The following FBN3 variants were observed in gnomAD, a reference collection of about 807,000 sequenced individuals.
FBN3 encodes the protein fibrillin 3.
FBN3 carries 234 observed loss-of-function variants against 330.1 expected under a neutral mutation model. The ratio of observed to expected loss-of-function variants is 0.71; its 90% CI spans 0.64 to 0.79. The LOEUF is 0.79. FBN3 is among the 30% of genes least tolerant of loss of function. The probability of loss-of-function intolerance (pLI) is 0.00; values close to 1 mark genes in which losing one functional copy is unlikely to be tolerated. For missense variants in FBN3, 3,606 were observed against 3,886.9 expected (o/e 0.93, Z 1.92); for synonymous variants, 1,458 against 1,517.3 (o/e 0.96, Z 0.91).
At chr19:8,098,289 G>T (rs1029740469) in intron 41 of FBN3, among the ~76,000 whole-genome samples, 11 of 151,822 alleles carry the variant, frequency 7.2e-5, no homozygotes, top group African/African-American at 2.7e-4. Flanking sequence ...GTGTCCATCA[G>T]TAGGGGACTG....
At position 8,106,164 on chromosome 19, in the gene FBN3, A is replaced by C. The variant is rs372164197; in HGVS notation, c.4757T>G (p.Phe1586Cys). Residue 1586 changes from phenylalanine to cysteine, a missense_variant, in exon 38 of 64, where the codon TTC becomes TGC. By Grantham distance (205) the Phe-to-Cys change is radical. Coordinates refer to ENST00000600128, the MANE Select transcript of FBN3 (RefSeq NM_032447.5). Reference sequence around the variant, plus strand: ...GTAGCCAGGTGGGCACTCACACTGGAAACTGCCAAACGTGTTGACGCAGTC... The same window carrying C: ...GTAGCCAGGTGGGCACTCACACTGGCAACTGCCAAACGTGTTGACGCAGTC... The part of the protein sequence containing the change: ...GGDCVNTFGS[F>C]QCECPPGYHL... 8 of 1,614,036 alleles carry C rather than the reference A, an allele frequency of 5.0e-6. No individual in the cohort carries two copies. The African/African-American group carries it at 9.3e-5, about 19-fold the overall frequency.
chr19:8,115,981 C>A (rs1198492199), intron 29 of FBN3, among the ~76,000 whole-genome samples: 1 of 152,064 alleles, frequency 6.6e-6, no homozygotes, highest in Non-Finnish European at 1.5e-5. Flanking sequence ...AGCCTTTATG[C>A]CAATATGCAC....
intron 61 of FBN3, 52 bp from the exon 62 acceptor site, chr19:8,073,349 G>T: frequency 3.5e-6 from 5 of 1,444,672 alleles, no homozygotes; most frequent in Non-Finnish European, 4.8e-6. Flanking sequence ...GGGCAGTGCA[G>T]CCTTCACACC....
At chr19:8,108,431 G>A (rs1224315291) in intron 36 of FBN3, among the ~76,000 whole-genome samples, 193 bp from the exon 37 acceptor site, 4 of 152,132 alleles carry the variant, frequency 2.6e-5, no homozygotes, top group African/African-American at 7.2e-5. Flanking sequence ...CTGCTTGCGT[G>A]TGTGTGTGCA....
chr19:8,103,285 A>AAAG, intron 39 of FBN3, among the ~76,000 whole-genome samples: 1 of 145,482 alleles, frequency 6.9e-6, no homozygotes, highest in South Asian at 2.1e-4. Context: ...AAAAAAAAAA[A>AAAG]GATTACTGGC....
In FBN3 at chr19:8,131,382, A is replaced by G; in HGVS notation, c.1991-94T>C. On this transcript the variant is annotated intron_variant, in intron 15 of 63. Coordinates refer to ENST00000600128, the MANE Select transcript of FBN3 (RefSeq NM_032447.5). This position sits in a 1 kb window ranked among gnomAD's most constrained non-coding sequence, Gnocchi z 4.5. Reference sequence around the variant, plus strand: ...AGGATGAGGCCCTCTGGTCTTGGGCAAGAGTTTGGGACTAAGACACAACTC... The same window carrying G: ...AGGATGAGGCCCTCTGGTCTTGGGCGAGAGTTTGGGACTAAGACACAACTC... The G allele has an allele frequency of 2.0e-6, 3 of 1,511,800 alleles. No individual in the cohort carries two copies. The highest frequency in any genetic ancestry group is 2.7e-6 in the Non-Finnish European group (3 of 1,100,334). 93.6% of individuals were successfully genotyped at this position (1,511,800 alleles called of 1,614,324 possible).
At position 8,147,532 on chromosome 19, in the gene FBN3, C is replaced by A. The variant is rs187314298; in HGVS notation, c.-17-35G>T. ...GGAAGCAGAGTCAGCCCTAGATGAG[C>A]CCCCCACCCTAGCCATGGGGGACCC... On this transcript the variant is annotated intron_variant, in intron 1 of 63. Transcript: ENST00000600128. The A allele has an allele frequency of 1.9e-5, 26 of 1,402,294 alleles. No homozygotes were observed. The South Asian group carries it at 3.0e-4, about 16-fold the overall frequency. The allele number at this position is 1,402,294 out of a possible 1,614,324, so 86.9% of individuals were successfully genotyped here. A position where few individuals can be genotyped will look rare whatever the true frequency, so the allele number is the denominator to read the frequency against.
intron 1 of FBN3, 26 bp from the exon 2 acceptor site, chr19:8,147,523 C>G: frequency 1.4e-6 from 2 of 1,421,576 alleles, no homozygotes; most frequent in Admixed American, 3.0e-5. Flanking sequence ...AGAGTCAGCC[C>G]TAGATGAGCC....
intron 13 of FBN3, 25 bp downstream of exon 13, chr19:8,135,936 G>GGGCCCCCCCCCCCCCCCCCCCC: frequency 3.0e-6 from 2 of 668,776 alleles, no homozygotes; most frequent in South Asian, 1.6e-5. Context: ...GGAAGCCCCT[G>GGGCCCCCCCCCCCCCCCCCCCC]CCCACCCGCC....
rs2083104848 is a variant in FBN3 at position 8,130,592 on chromosome 19, G to GAAAA, written c.2044+642_2044+643insTTTT. 3.8e-4 allele frequency among the ~76,000 whole-genome samples: 4 copies of GAAAA among 10,412 alleles called. 2 individuals carry two copies. The highest frequency in any genetic ancestry group is 2.9e-3 in the African/African-American group (4 of 1,390). 6.8% of individuals were successfully genotyped at this position (10,412 alleles called of 152,430 possible). ...GGAAAGAAAGAAAGAATGAAAGAAA[G>GAAAA]AAAGAAAGAAAGAAAGAAAGAAAGA... On this transcript the variant is annotated intron_variant, in intron 16 of 63. Transcript: ENST00000600128.
At position 8,123,881 on chromosome 19, in the gene FBN3, G is replaced by A; in HGVS notation, c.2859C>T (p.Ala953=). 6.2e-7 allele frequency: 1 copy of A among 1,613,692 alleles called. No homozygotes were observed. Among genetic ancestry groups the A allele is most frequent in the Non-Finnish European group, 8.5e-7 (1 of 1,180,006 alleles). ...IGAVWGVECE[A]CPDPESLEFA... is the part of the protein sequence containing the mutation. ...ACTCCAGAGACTCGGGATCCGGGCA[G>A]GCCTCGCACTCGACTCCCCACACGG... Residue 953 remains alanine (A), a synonymous_variant, in exon 23 of 64, where the codon GCC becomes GCT. Coordinates refer to ENST00000600128, the MANE Select transcript of FBN3 (RefSeq NM_032447.5).
chr19:8,130,623 A>G lies in FBN3; in HGVS notation c.2044+612T>C, dbSNP rs371521816. On this transcript the variant is annotated intron_variant, in intron 16 of 63. Coordinates refer to ENST00000600128, the MANE Select transcript of FBN3 (RefSeq NM_032447.5). Reference sequence around the variant, plus strand: ...AAGAAAGAAAGAAAGAAAGAAAGAAAGAAAGAAAGAAAGAAAGAAAGGAAA... The same window carrying G: ...AAGAAAGAAAGAAAGAAAGAAAGAAGGAAAGAAAGAAAGAAAGAAAGGAAA... 9.8e-3 allele frequency among the ~76,000 whole-genome samples: 184 copies of G among 18,870 alleles called. 46 individuals are homozygous for G. The highest frequency in any genetic ancestry group is 0.013 in the Non-Finnish European group (123 of 9,476). The allele number at this position is 18,870 out of a possible 152,430, so 12.4% of individuals were successfully genotyped here.
chr19:8,117,731 C>T (rs750813819), intron 26 of FBN3, 142 bp from the exon 27 acceptor site: 5 of 937,008 alleles, frequency 5.3e-6, no homozygotes, highest in Non-Finnish European at 6.3e-6. Context: ...TATCCGTACA[C>T]TTGCATTCAC....
In FBN3 at chr19:8,086,361, G is replaced by A. The variant is rs371438175; in HGVS notation, c.6755-36C>T. On this transcript the variant is annotated intron_variant, in intron 54 of 63. Transcript: ENST00000600128. ...AGGGGTGAGGCAGGTGGGCGGGGAGGCCACAGGCAGCCAGCCTCTCCCACA... is the reference window on the plus strand; with the variant it reads ...AGGGGTGAGGCAGGTGGGCGGGGAGACCACAGGCAGCCAGCCTCTCCCACA... 47 of 1,551,884 alleles carry A rather than the reference G, an allele frequency of 3.0e-5. No homozygotes were observed. The African/African-American group carries it at 5.6e-4, about 18-fold the overall frequency.
chr19:8,085,339 G>A, intron 56 of FBN3, 24 bp downstream of exon 56: 1 of 1,548,918 alleles, frequency 6.5e-7, no homozygotes, highest in Non-Finnish European at 8.7e-7. Flanking sequence ...CCTCCCTGGG[G>A]GTCCTGAGGG....
intron 8 of FBN3, among the ~76,000 whole-genome samples, 179 bp from the exon 9 acceptor site, chr19:8,138,743 C>T (rs2083346052): frequency 6.6e-6 from 1 of 152,156 alleles, no homozygotes; most frequent in African/African-American, 2.4e-5. Context: ...AAAAGTATTA[C>T]CTGGATGAAA....
At chr19:8,116,071 G>A (rs892032010) in intron 29 of FBN3, among the ~76,000 whole-genome samples, 12 of 152,138 alleles carry the variant, frequency 7.9e-5, no homozygotes, top group Non-Finnish European at 2.9e-5. Flanking sequence ...TGAAGCACTT[G>A]CTCTCTGAGA....
chr19:8,091,540 T>C lies in FBN3; in HGVS notation c.5956A>G (p.Thr1986Ala). 6.2e-7 allele frequency: 1 copy of C among 1,614,128 alleles called. No homozygotes were observed. Among genetic ancestry groups the C allele is most frequent in the Non-Finnish European group, 8.5e-7 (1 of 1,180,014 alleles). The change falls in exon 48 of 64, where the codon ACC (threonine) becomes GCC (alanine). Residue 1986 changes from threonine to alanine, a missense_variant. Physicochemically the swap from Thr to Ala is moderately conservative, Grantham distance 58. Coordinates refer to ENST00000600128, the MANE Select transcript of FBN3 (RefSeq NM_032447.5). ...EPNLCLFGTC[T>A]NSPGSFQCLC... is the part of the protein sequence containing the mutation. ...CACTGGAAGCTCCCAGGGCTGTTGGTACAGGTGCCAAAGAGGCAGAGGTTG... is the reference window on the plus strand; with the variant it reads ...CACTGGAAGCTCCCAGGGCTGTTGGCACAGGTGCCAAAGAGGCAGAGGTTG...
At position 8,125,995 on chromosome 19, in the gene FBN3, G is replaced by A. The variant is rs1249118451; in HGVS notation, c.2628C>T (p.Phe876=). Residue 876 remains phenylalanine (F), a synonymous_variant, in exon 22 of 64, where the codon TTC becomes TTT. Transcript: ENST00000600128. The part of the protein sequence containing the change: ...TCDDVNECES[F]PGVCPNGRCV... ...AACGCCCGTTGGGACAGACTCCCGG[G>A]AAGGACTCACACTCGTTCACATCTG... The A allele has an allele frequency of 2.5e-6, 4 of 1,613,838 alleles. No homozygotes were observed. Among genetic ancestry groups the A allele is most frequent in the Non-Finnish European group, 3.4e-6 (4 of 1,180,016 alleles).
Sources: gnomAD v4.1 joint callset for allele counts (sites outside exome capture counted in the v4.1 genomes callset) on GRCh38, gnomAD v4.1.1 for gene constraint, Gnocchi (gnomAD v3.1) non-coding constraint, MANE v1.5 for transcripts, NCBI Gene and HGNC (gene_info 2026-07-23, HGNC 2026-07-21) for gene names.